Variants in HSPG2 observed in about 807,000 individuals in gnomAD.
HSPG2 encodes basement membrane-specific heparan sulfate proteoglycan core protein.
HSPG2 carries 278 observed loss-of-function variants against 526.6 expected under a neutral mutation model. That is an observed-to-expected ratio of 0.53 (90% CI 0.48 to 0.58). HSPG2 has a LOEUF of 0.58. Among genes scored for constraint, HSPG2 ranks in the 20% least tolerant of loss-of-function variants. The pLI is 0.00. For synonymous variants in HSPG2, 2,465 were observed against 2,555.4 expected (o/e 0.96, Z 1.07); for missense variants, 5,354 against 6,099.5 (o/e 0.88, Z 4.07).
rs3767141 is a variant in HSPG2 at position 21,889,786 on chromosome 1, C to T, written c.574+195G>A. ...AGGAAGGAGCAGAACTCGGGTCTAA[C>T]GGGTATGTGCTAGAGGAAACAGTCT... On this transcript the variant is annotated intron_variant, in intron 6 of 96. Coordinates refer to ENST00000374695, the MANE Select transcript of HSPG2 (RefSeq NM_005529.7). The T allele has an allele frequency of 0.31, 195,387 of 630,300 alleles. 31,697 individuals are homozygous for T. The highest frequency in any genetic ancestry group is 0.42 in the Admixed American group (15,330 of 36,208). 39.0% of individuals were successfully genotyped at this position (630,300 alleles called of 1,614,324 possible).
chr1:21,908,679 T>G, intron 1 of HSPG2: 1 of 541,166 alleles, frequency 1.8e-6, no homozygotes. Flanking sequence ...AGGGTCTCAC[T>G]GCTTAATGAG....
chr1:21,828,911 A>G lies in HSPG2; in HGVS notation c.12161T>C (p.Leu4054Pro), dbSNP rs1298870238. The change falls in exon 88 of 97, where the codon CTG (leucine) becomes CCG (proline). Residue 4054 changes from leucine to proline, a missense_variant. Leu to Pro is a moderately conservative substitution (Grantham distance 98, BLOSUM62 -3). Coordinates refer to ENST00000374695, the MANE Select transcript of HSPG2 (RefSeq NM_005529.7). This position sits in a 1 kb window ranked among gnomAD's most constrained non-coding sequence, Gnocchi z 6.0. The part of the protein sequence containing the change: ...QGLNLHTLLY[L>P]GGVEPSVPLS... Reference sequence around the variant, plus strand: ...TGGCACGGAAGGCTCCACACCCCCCAGGTAGAGCAGGGTGTGCAGGTTGAG... The same window carrying G: ...TGGCACGGAAGGCTCCACACCCCCCGGGTAGAGCAGGGTGTGCAGGTTGAG... The G allele has an allele frequency of 1.9e-6, 3 of 1,561,742 alleles. No individual in the cohort carries two copies. Among genetic ancestry groups the G allele is most frequent in the Non-Finnish European group, 1.7e-6 (2 of 1,152,906 alleles).
intron 53 of HSPG2, 67 bp from the exon 54 acceptor site, chr1:21,851,993 C>T (rs1489393889): frequency 1.2e-6 from 2 of 1,610,010 alleles, no homozygotes; most frequent in Non-Finnish European, 1.7e-6. Context: ...CACCGCTGTC[C>T]CCCCGATCTA....
intron 1 of HSPG2, among the ~76,000 whole-genome samples, chr1:21,935,461 G>A (rs1261737990): frequency 6.6e-6 from 1 of 152,206 alleles, no homozygotes; most frequent in African/African-American, 2.4e-5. Flanking sequence ...GAGGTTCACT[G>A]GTTCACTGGC....
In HSPG2 at chr1:21,897,772, G is replaced by A. The variant is rs1057463483; in HGVS notation, c.64-1462C>T. Among the ~76,000 whole-genome samples, 5 of 152,170 alleles carry A rather than the reference G, an allele frequency of 3.3e-5. No homozygotes were observed. The East Asian group carries it at 9.6e-4, about 29-fold the overall frequency. On this transcript the variant is annotated intron_variant, in intron 1 of 96. Coordinates refer to ENST00000374695, the MANE Select transcript of HSPG2 (RefSeq NM_005529.7). ...AGGGCAGGCTGGGGGTGACTGGGAA[G>A]GGGGCACAAGAGACACTTCTGGGGT...
Position 21,907,489 on chromosome 1 carries a change from A to G in HSPG2, c.64-11179T>C, listed in dbSNP as rs113577910. On this transcript the variant is annotated intron_variant, in intron 1 of 96. Coordinates refer to ENST00000374695, the MANE Select transcript of HSPG2 (RefSeq NM_005529.7). ...GACAGGAGTGAGGTGGAAGCGGGGC[A>G]CCGTTAGAGTTTGGGCCCCTTCCCA... Among the ~76,000 whole-genome samples the G allele has an allele frequency of 6.8e-3, 1,034 of 152,184 alleles. 11 individuals are homozygous for G. Among genetic ancestry groups the G allele is most frequent in the African/African-American group, 0.023 (969 of 41,512 alleles).
chr1:21,861,694 G>C lies in HSPG2; in HGVS notation c.4955+63C>G, dbSNP rs1639800748. ...ACTTTTCTGAGCAACACCCTTTAAG[G>C]CTCTCACTTGGGAGTCCACCATTTG... is the stretch of plus-strand genomic sequence containing the variant. On this transcript the variant is annotated intron_variant, in intron 39 of 96. Coordinates refer to ENST00000374695, the MANE Select transcript of HSPG2 (RefSeq NM_005529.7). 7.0e-6 allele frequency: 10 copies of C among 1,433,686 alleles called. No homozygotes were observed. The South Asian group carries it at 1.0e-4, about 15-fold the overall frequency. 88.8% of individuals were successfully genotyped at this position (1,433,686 alleles called of 1,614,324 possible). A position where few individuals can be genotyped will look rare whatever the true frequency, so the allele number is the denominator to read the frequency against.
chr1:21,844,270 C>G lies in HSPG2; in HGVS notation c.8494G>C (p.Glu2832Gln). 1 of 1,613,508 alleles carries G rather than the reference C, an allele frequency of 6.2e-7. No homozygotes were observed. The highest frequency in any genetic ancestry group is 8.5e-7 in the Non-Finnish European group (1 of 1,179,938). ...TCTGCCACTCGGGAGGAGGAGGGCTCGATGCGGATGGGTGGGGCTCCACCT... is the reference window on the plus strand; with the variant it reads ...TCTGCCACTCGGGAGGAGGAGGGCTGGATGCGGATGGGTGGGGCTCCACCT... ...APGGAPPIRI[E>Q]PSSSRVAEGQ... is the part of the protein sequence containing the mutation. Residue 2832 changes from glutamate (E) to glutamine (Q), a missense_variant, in exon 65 of 97, where the codon GAG becomes CAG. By Grantham distance (29) the Glu-to-Gln change is conservative (BLOSUM62 2). Transcript: ENST00000374695.
chr1:21,871,084 C>T (rs886805252), intron 33 of HSPG2, among the ~76,000 whole-genome samples: 2 of 152,052 alleles, frequency 1.3e-5, no homozygotes, highest in South Asian at 2.1e-4. Context: ...TGGGTGCCAC[C>T]GGATGCCCGT....
intron 1 of HSPG2, among the ~76,000 whole-genome samples, chr1:21,925,370 G>A (rs1362968370): frequency 6.6e-6 from 1 of 152,186 alleles, no homozygotes; most frequent in African/African-American, 2.4e-5. Context: ...TCGCAGCTGA[G>A]CCATGTGCTT....
intron 1 of HSPG2, among the ~76,000 whole-genome samples, chr1:21,929,739 G>T (rs866629116): frequency 1.2e-4 from 19 of 152,176 alleles, no homozygotes; most frequent in African/African-American, 4.3e-4. Context: ...CCATCCTTCG[G>T]GATGCTGAAG....
In HSPG2 at chr1:21,884,506, G is replaced by A. The variant is rs367553961; in HGVS notation, c.1654+22C>T. 1,168 of 1,610,626 alleles carry A rather than the reference G, an allele frequency of 7.3e-4. 1 individual carries two copies. The highest frequency in any genetic ancestry group is 8.6e-4 in the Non-Finnish European group (1,009 of 1,179,756). ...GTACCCACCTCCCACCTCCCGCAGC[G>A]CTCACCCGCCCGCCAACGCACCCTT... On this transcript the variant is annotated intron_variant, in intron 13 of 96. Transcript: ENST00000374695.
chr1:21,829,306 C>A, intron 87 of HSPG2, 77 bp downstream of exon 87: 1 of 1,492,502 alleles, frequency 6.7e-7, no homozygotes. Flanking sequence ...TCCTCCCATG[C>A]CTCCCTGGGG....
chr1:21,843,312 G>A lies in HSPG2; in HGVS notation c.8743C>T (p.Pro2915Ser). The A allele has an allele frequency of 6.2e-7, 1 of 1,614,050 alleles. No individual in the cohort carries two copies. Among genetic ancestry groups the A allele is most frequent in the Non-Finnish European group, 8.5e-7 (1 of 1,180,032 alleles). Residue 2915 changes from proline to serine, a missense_variant, in exon 66 of 97, where the codon CCA becomes TCA. Transcript: ENST00000374695. ...SVLVTIEPSS[P>S]GPIPAPGLAQ... ...TATCACTCACCAGGAATGGGTCCTG[G>A]GCTGGAGGGCTCAATTGTGACCAGG...
intron 81 of HSPG2, 105 bp from the exon 82 acceptor site, chr1:21,831,901 C>A (rs1159012495): frequency 1.6e-6 from 2 of 1,223,322 alleles, no homozygotes; most frequent in African/African-American, 3.0e-5. Context: ...GATGTCACCA[C>A]TTCCTGCAGT....
Position 21,864,192 on chromosome 1 carries a change from G to T in HSPG2, c.4648C>A (p.Arg1550Ser). 6.4e-7 allele frequency: 1 copy of T among 1,552,790 alleles called. No homozygotes were observed. Among genetic ancestry groups the T allele is most frequent in the Non-Finnish European group, 8.7e-7 (1 of 1,147,976 alleles). Residue 1550 changes from arginine (R) to serine (S), a missense_variant, in exon 37 of 97, where the codon CGC (arginine) becomes AGC (serine). Transcript: ENST00000374695. This position sits in a 1 kb window ranked among gnomAD's most constrained non-coding sequence, Gnocchi z 4.8. ...SCQDCAPGYTRTGSGLYLGHC... is the reference protein window; with the variant it reads ...SCQDCAPGYTSTGSGLYLGHC... ...CCGAGGTAGAGCCCACTCCCGGTGC[G>T]CGTGTAGCCGGGGGCACAGTCCTAG...
chr1:21,922,267 G>C (rs1299956955), intron 1 of HSPG2, among the ~76,000 whole-genome samples: 2 of 152,196 alleles, frequency 1.3e-5, no homozygotes, highest in African/African-American at 4.8e-5. Flanking sequence ...ACAGCAATCA[G>C]TGATGAAGCT....
At chr1:21,914,756 G>C (rs1643841715) in intron 1 of HSPG2, among the ~76,000 whole-genome samples, 2 of 152,200 alleles carry the variant, frequency 1.3e-5, no homozygotes, top group South Asian at 4.1e-4. Flanking sequence ...AAGGGGAGGA[G>C]AAAGGATGGT....
chr1:21,880,023 T>C (rs1450106966), intron 17 of HSPG2, 84 bp downstream of exon 17: 5 of 1,489,710 alleles, frequency 3.4e-6, no homozygotes, highest in Non-Finnish European at 4.7e-6. Context: ...TCTGGAGGCT[T>C]GTGCTGAGCT....
Sources: gnomAD v4.1 joint callset for allele counts (sites outside exome capture counted in the v4.1 genomes callset) on GRCh38, gnomAD v4.1.1 for gene constraint, Gnocchi (gnomAD v3.1) non-coding constraint, MANE v1.5 for transcripts, NCBI Gene and HGNC (gene_info 2026-07-23, HGNC 2026-07-21) for gene names.